CCDC7: variants seen among roughly 807,000 people sequenced by gnomAD.
CCDC7 encodes the protein coiled-coil domain containing 7, also known as coiled-coil domain-containing protein 7.
CCDC7 carries 183 observed loss-of-function variants against 196.9 expected under a neutral mutation model. The ratio of observed to expected loss-of-function variants is 0.93; its 90% CI spans 0.82 to 1.05. The LOEUF is 1.05. Ranked by LOEUF, CCDC7 falls within the 50% of genes least tolerant of loss-of-function variation. The pLI, the probability that CCDC7 is intolerant of heterozygous loss-of-function variation, is 0.00. For synonymous variants in CCDC7, 525 were observed against 484.6 expected (o/e 1.08, Z -1.10); for missense variants, 1,540 against 1,482.2 (o/e 1.04, Z -0.64).
chr10:32,518,550 G>T (rs1197963727), intron 11 of CCDC7, 45 bp downstream of exon 12: 8 of 1,459,902 alleles, frequency 5.5e-6, no homozygotes, highest in Non-Finnish European at 7.5e-6. Context: ...ACCTAATAAG[G>T]CTTATTATGT....
chr10:32,779,718 AG>A (rs2080736207), intron 29 of CCDC7, among the ~76,000 whole-genome samples: 1 of 152,208 alleles, frequency 6.6e-6, no homozygotes, highest in South Asian at 2.1e-4. Context: ...ATTCCCTGAC[AG>A]AAACGTTGAA....
chr10:32,533,508 T>G (rs1344098375), intron 11 of CCDC7, among the ~76,000 whole-genome samples: 1 of 151,978 alleles, frequency 6.6e-6, no homozygotes, highest in African/African-American at 2.4e-5. Flanking sequence ...CTGGAAAAGT[T>G]TTTTTTTATT....
chr10:32,755,143 C>T (rs539429229), intron 28 of CCDC7, among the ~76,000 whole-genome samples: 34 of 152,288 alleles, frequency 2.2e-4, no homozygotes, highest in African/African-American at 7.9e-4. Flanking sequence ...TGGAGCCCAC[C>T]ACAGCTCAAG....
intron 24 of CCDC7, among the ~76,000 whole-genome samples, chr10:32,704,018 C>T (rs1186299037): frequency 1.3e-5 from 2 of 152,162 alleles, no homozygotes; most frequent in Non-Finnish European, 2.9e-5. Context: ...CTCAACTCGT[C>T]AAAGTCATTC....
chr10:32,622,021 C>G (rs952565370), intron 18 of CCDC7, among the ~76,000 whole-genome samples: 3 of 152,220 alleles, frequency 2.0e-5, no homozygotes, highest in African/African-American at 7.2e-5. Context: ...GCTTATCAAT[C>G]TCAGATCTCA....
chr10:32,879,423 T>G (rs549150496), downstream of CCDC7, among the ~76,000 whole-genome samples: 1 of 152,202 alleles, frequency 6.6e-6, no homozygotes, highest in East Asian at 1.9e-4. Context: ...AGGTCGTTGC[T>G]CGGGGCGATG....
At chr10:32,491,533 T>C (rs1248645023) in intron 8 of CCDC7, among the ~76,000 whole-genome samples, 1 of 152,178 alleles carries the variant, frequency 6.6e-6, no homozygotes, top group Non-Finnish European at 1.5e-5. Context: ...TCTGTTTTAG[T>C]ATGCTATAGT....
chr10:32,693,515 C>A (rs2077328211), intron 23 of CCDC7, among the ~76,000 whole-genome samples: 1 of 152,026 alleles, frequency 6.6e-6, no homozygotes, highest in South Asian at 2.1e-4. Context: ...AATTTATAGA[C>A]ATGTTTAATT....
chr10:32,711,169 T>C (rs962269941), intron 24 of CCDC7, among the ~76,000 whole-genome samples: 1 of 151,768 alleles, frequency 6.6e-6, no homozygotes. Flanking sequence ...CATATACATG[T>C]ATATATGCAT....
At chr10:32,567,334 CCTT>C (rs1397465271) in intron 14 of CCDC7, among the ~76,000 whole-genome samples, 1 of 151,540 alleles carries the variant, frequency 6.6e-6, no homozygotes, top group Admixed American at 6.6e-5. Context: ...TGCTAATTAT[CCTT>C]CTTATAGTCT....
At chr10:32,690,646 G>A (rs2076976923) in intron 23 of CCDC7, among the ~76,000 whole-genome samples, 1 of 152,204 alleles carries the variant, frequency 6.6e-6, no homozygotes. Flanking sequence ...GCTTCATTAA[G>A]CTCAACAAAT....
chr10:32,700,025 G>A (rs1010598055), intron 24 of CCDC7, among the ~76,000 whole-genome samples: 1 of 149,442 alleles, frequency 6.7e-6, no homozygotes, highest in Non-Finnish European at 1.5e-5. Flanking sequence ...TCTGATGGTA[G>A]TTTCTTTTGC....
chr10:32,456,183 C>G, intron 2 of CCDC7, 68 bp from the exon 4 acceptor site: 1 of 1,332,168 alleles, frequency 7.5e-7, no homozygotes, highest in Non-Finnish European at 9.8e-7. Flanking sequence ...AGTAAATATG[C>G]TAGAAAAAGA....
rs771667175 is a variant in CCDC7, at chr10:32,833,357, A to ATTTT, written c.3269-1458_3269-1457insTTTT. Among the ~76,000 whole-genome samples the ATTTT allele has an allele frequency of 6.3e-3, 633 of 100,168 alleles. 4 individuals carry two copies. The highest frequency in any genetic ancestry group is 0.025 in the African/African-American group (602 of 24,180). 65.7% of individuals were successfully genotyped at this position (100,168 alleles called of 152,430 possible). The stretch of plus-strand genomic sequence containing the variant: ...TATGATATATTACCCTTTTTTTAAA[A>ATTTT]AAAAAAAAAAGAAAGCTCAATAAAA... On this transcript the variant is annotated intron_variant, in intron 32 of 41. Coordinates refer to ENST00000639629, the Ensembl canonical transcript of CCDC7.
At chr10:32,475,467 T>G (rs1318213995) in intron 8 of CCDC7, among the ~76,000 whole-genome samples, 1 of 152,216 alleles carries the variant, frequency 6.6e-6, no homozygotes, top group Admixed American at 6.5e-5. Context: ...CTGTACCCAC[T>G]TATAGTCTAA....
intron 28 of CCDC7, among the ~76,000 whole-genome samples, chr10:32,741,116 C>CT (rs1367241189): frequency 1.1e-4 from 17 of 152,008 alleles, no homozygotes; most frequent in Non-Finnish European, 1.9e-4. Flanking sequence ...AGAGATACTG[C>CT]TTAATATTGA....
chr10:32,584,318 G>C lies in CCDC7; in HGVS notation c.1801+14G>C, dbSNP rs368170322. On this transcript the variant is annotated intron_variant, in intron 18 of 41. Coordinates refer to ENST00000639629, the Ensembl canonical transcript of CCDC7. The stretch of plus-strand genomic sequence containing the variant: ...AAAAATCTCAAGGTAAAAAGACTCT[G>C]TTTTGGAAGATGAAAATGTGATTGA... 127 of 1,544,170 alleles carry C rather than the reference G, an allele frequency of 8.2e-5. No individual in the cohort carries two copies. Among genetic ancestry groups the C allele is most frequent in the Non-Finnish European group, 1.1e-4 (121 of 1,122,398 alleles).
chr10:32,742,422 C>G (rs1169308479), intron 28 of CCDC7, among the ~76,000 whole-genome samples: 1 of 152,190 alleles, frequency 6.6e-6, no homozygotes. Context: ...TGTGTGATGA[C>G]ATGTATATGA....
At chr10:32,743,930 T>C (rs1294681396) in intron 28 of CCDC7, among the ~76,000 whole-genome samples, 2 of 137,664 alleles carry the variant, frequency 1.5e-5, no homozygotes, top group Non-Finnish European at 3.0e-5. Context: ...TAGCTGGGAA[T>C]TCAATAATGA....
Sources: gnomAD v4.1 joint callset for allele counts (sites outside exome capture counted in the v4.1 genomes callset) on GRCh38, gnomAD v4.1.1 for gene constraint, MANE v1.5 for transcripts, NCBI Gene and HGNC (gene_info 2026-07-23, HGNC 2026-07-21) for gene names.